Variants in VWA5A observed in about 807,000 individuals in gnomAD.
VWA5A encodes von Willebrand factor A domain-containing protein 5A.
VWA5A carries 77 observed loss-of-function variants against 84.6 expected under a neutral mutation model. The observed-to-expected ratio is 0.91, with a 90% CI of 0.76 to 1.10. The LOEUF is 1.10. Ranked by LOEUF, VWA5A falls within the 50% of genes least tolerant of loss-of-function variation. The pLI, the probability that VWA5A is intolerant of heterozygous loss-of-function variation, is 0.00. For synonymous variants in VWA5A, 334 were observed against 350.1 expected (o/e 0.95, Z 0.51); for missense variants, 973 against 963.0 (o/e 1.01, Z -0.14).
chr11:124,127,473 CAT>C (rs1362722771), intron 11 of VWA5A, among the ~76,000 whole-genome samples: 2 of 152,120 alleles, frequency 1.3e-5, no homozygotes, highest in Admixed American at 6.5e-5. Flanking sequence ...CTGCAATAAA[CAT>C]ATGTGTGCAT....
intron 11 of VWA5A, among the ~76,000 whole-genome samples, chr11:124,125,369 G>A (rs562736703): frequency 1.3e-5 from 2 of 150,400 alleles, no homozygotes; most frequent in Non-Finnish European, 3.0e-5. Flanking sequence ...TGCCATCTCC[G>A]CCTCCTGGGT....
At chr11:124,119,630 C>A (rs1864898775) in intron 7 of VWA5A, among the ~76,000 whole-genome samples, 1 of 152,180 alleles carries the variant, frequency 6.6e-6, no homozygotes, top group South Asian at 2.1e-4. Flanking sequence ...TGTCCCCCAC[C>A]ATTTTAATAA....
chr11:124,146,312 G>T lies in VWA5A; in HGVS notation c.*367G>T. On this transcript the variant is annotated 3_prime_UTR_variant, in exon 19 of 19. Coordinates refer to ENST00000456829, the MANE Select transcript of VWA5A (RefSeq NM_001130142.2). ...TATGTTAGAGAATGCTTGAATTAGA[G>T]AATTTTCTGCATTATCTTTGTCTGT... 5.1e-6 allele frequency: 1 copy of T among 196,682 alleles called. No individual in the cohort carries two copies. The highest frequency in any genetic ancestry group is 1.0e-5 in the Non-Finnish European group (1 of 96,816). 12.2% of individuals were successfully genotyped at this position (196,682 alleles called of 1,614,324 possible).
intron 13 of VWA5A, 38 bp downstream of exon 13, chr11:124,136,331 G>A (rs370452130): frequency 1.1e-5 from 17 of 1,597,236 alleles, no homozygotes; most frequent in Non-Finnish European, 1.5e-5. Flanking sequence ...TAGTCAAAGA[G>A]CTACCACATG....
At position 124,118,650 on chromosome 11, in the gene VWA5A, A is replaced by G. The variant is rs757644843; in HGVS notation, c.587A>G (p.Gln196Arg). 3.7e-6 allele frequency: 6 copies of G among 1,614,170 alleles called. No homozygotes were observed. The highest frequency in any genetic ancestry group is 5.1e-6 in the Non-Finnish European group (6 of 1,180,026). Residue 196 changes from glutamine to arginine, a missense_variant, in exon 6 of 19, where the codon CAA becomes CGA. Coordinates refer to ENST00000456829, the MANE Select transcript of VWA5A (RefSeq NM_001130142.2). Reference protein sequence around the residue: ...IDSQHGIEKVQSNCPLSPTEY... With the variant: ...IDSQHGIEKVRSNCPLSPTEY... Reference sequence around the variant, plus strand: ...TCCCAGCATGGCATTGAGAAGGTCCAATCCAACTGCCCCTTGAGTCCTACC... The same window carrying G: ...TCCCAGCATGGCATTGAGAAGGTCCGATCCAACTGCCCCTTGAGTCCTACC...
intron 11 of VWA5A, among the ~76,000 whole-genome samples, chr11:124,125,963 A>C (rs1865013049): frequency 6.6e-6 from 1 of 152,228 alleles, no homozygotes; most frequent in South Asian, 2.1e-4. Context: ...TGGATATCAA[A>C]TTGACCCTAT....
chr11:124,135,679 C>T (rs1238101597), intron 12 of VWA5A, among the ~76,000 whole-genome samples: 3 of 148,960 alleles, frequency 2.0e-5, no homozygotes, highest in East Asian at 2.0e-4. Context: ...TACAGGCGCC[C>T]GCCACTACGC....
At chr11:124,138,022 C>T (rs1275131899) in intron 15 of VWA5A, among the ~76,000 whole-genome samples, 1 of 152,142 alleles carries the variant, frequency 6.6e-6, no homozygotes. Flanking sequence ...CCATGCCCAG[C>T]TAATTTTTTT....
intron 11 of VWA5A, among the ~76,000 whole-genome samples, chr11:124,127,391 C>T (rs1276804592): frequency 6.6e-6 from 1 of 152,126 alleles, no homozygotes; most frequent in East Asian, 1.9e-4. Flanking sequence ...GCATATGTGC[C>T]ACATTTTCTT....
intron 6 of VWA5A, 133 bp from the exon 7 acceptor site, chr11:124,118,842 C>A (rs1328718578): frequency 7.4e-6 from 10 of 1,350,922 alleles, no homozygotes; most frequent in Non-Finnish European, 1.0e-5. Context: ...ATTTAATCTC[C>A]AGAGCCTTCT....
intron 7 of VWA5A, among the ~76,000 whole-genome samples, chr11:124,121,222 T>C (rs1197475587): frequency 6.6e-6 from 1 of 152,156 alleles, no homozygotes; most frequent in Non-Finnish European, 1.5e-5. Flanking sequence ...ATTAAGAACA[T>C]GTTTTTCTAA....
intron 17 of VWA5A, 43 bp downstream of exon 17, chr11:124,142,615 G>T (rs1285048793): frequency 6.2e-7 from 1 of 1,610,768 alleles, no homozygotes; most frequent in African/African-American, 1.3e-5. Context: ...TTTTGAGAGA[G>T]AGGTCATCAT....
intron 1 of VWA5A, 168 bp downstream of exon 1, chr11:124,115,650 G>T (rs1397302058): frequency 6.6e-6 from 1 of 152,232 alleles, no homozygotes; most frequent in Non-Finnish European, 1.5e-5. Flanking sequence ...CCCCAGGAAG[G>T]TTCCTGCAAG....
At chr11:124,141,026 T>C (rs1166069724) in intron 15 of VWA5A, among the ~76,000 whole-genome samples, 1 of 152,224 alleles carries the variant, frequency 6.6e-6, no homozygotes, top group Non-Finnish European at 1.5e-5. Flanking sequence ...GGGTATTTTA[T>C]AGGCTATCTA....
chr11:124,143,508 G>T (rs1209296345), intron 17 of VWA5A, among the ~76,000 whole-genome samples: 2 of 152,054 alleles, frequency 1.3e-5, no homozygotes, highest in Non-Finnish European at 2.9e-5. Context: ...GGTGTGCTAT[G>T]GTGGGAAATA....
At position 124,118,533 on chromosome 11, in the gene VWA5A, G is replaced by T. The variant is rs1331493682; in HGVS notation, c.470G>T (p.Gly157Val). The part of the protein sequence containing the change: ...AVLNPRYQFS[G>V]SSKDSCLNVK... The stretch of plus-strand genomic sequence containing the variant: ...ACAGAACTAAGGTCATCTTTTATAG[G>T]GTCGTCTAAGGACAGTTGCCTTAAT... Residue 157 changes from glycine (G) to valine (V), a missense_variant and splice_region_variant, in exon 6 of 19, where the codon GGG (glycine) becomes GTG (valine). Physicochemically the swap from Gly to Val is moderately radical, Grantham distance 109. Coordinates refer to ENST00000456829, the MANE Select transcript of VWA5A (RefSeq NM_001130142.2). 6.2e-7 allele frequency: 1 copy of T among 1,613,890 alleles called. No homozygotes were observed. Among genetic ancestry groups the T allele is most frequent in the Admixed American group, 1.7e-5 (1 of 60,004 alleles).
chr11:124,137,955 C>A (rs1461598657), intron 15 of VWA5A, among the ~76,000 whole-genome samples: 1 of 152,210 alleles, frequency 6.6e-6, no homozygotes, highest in Non-Finnish European at 1.5e-5. Flanking sequence ...ACCTCTCAGG[C>A]TCAAGCAATC....
intron 16 of VWA5A, among the ~76,000 whole-genome samples, chr11:124,142,162 G>A (rs1860742012): frequency 6.6e-6 from 1 of 152,066 alleles, no homozygotes; most frequent in South Asian, 2.1e-4. Context: ...ACCCCTAGTC[G>A]AACAAACCCC....
Position 124,118,546 on chromosome 11 carries a change from C to T in VWA5A, c.483C>T (p.Asp161=), listed in dbSNP as rs767666098. Reference sequence around the variant, plus strand: ...CATCTTTTATAGGGTCGTCTAAGGACAGTTGCCTTAATGTGAAGACTCCTA... The same window carrying T: ...CATCTTTTATAGGGTCGTCTAAGGATAGTTGCCTTAATGTGAAGACTCCTA... ...PRYQFSGSSK[D]SCLNVKTPIV... Residue 161 remains aspartate, a synonymous_variant, in exon 6 of 19, where the codon GAC becomes GAT. Coordinates refer to ENST00000456829, the MANE Select transcript of VWA5A (RefSeq NM_001130142.2). The T allele has an allele frequency of 6.2e-7, 1 of 1,614,104 alleles. No individual in the cohort carries two copies. The highest frequency in any genetic ancestry group is 1.1e-5 in the South Asian group (1 of 91,074).
Sources: allele counts gnomAD v4.1 joint callset (sites outside exome capture counted in the v4.1 genomes callset), GRCh38; gene constraint gnomAD v4.1.1; transcripts MANE v1.5; gene names NCBI Gene and HGNC (gene_info 2026-07-23, HGNC 2026-07-21).